The following TRPM3 variants were observed in gnomAD, a reference collection of about 807,000 sequenced individuals.
The protein encoded by TRPM3 is transient receptor potential cation channel subfamily M member 3, also known as long transient receptor potential channel 3.
In TRPM3, 77 loss-of-function variants were observed where a neutral mutation model predicts 181.2. The ratio of observed to expected loss-of-function variants is 0.42; its 90% CI spans 0.35 to 0.51. TRPM3 has a LOEUF of 0.51. Among genes scored for constraint, TRPM3 ranks in the 20% least tolerant of loss-of-function variants. The pLI is 0.01. For missense variants in TRPM3, 1,759 were observed against 2,196.7 expected, an observed-to-expected ratio of 0.80 and a Z score of 3.98; for synonymous variants, 745 against 796.4, an observed-to-expected ratio of 0.94 and a Z score of 1.09.
chr9:71,241,957 A>G (rs1376301646), intron 1 of TRPM3, among the ~76,000 whole-genome samples: 1 of 152,254 alleles, frequency 6.6e-6, no homozygotes, highest in Non-Finnish European at 1.5e-5. Flanking sequence ...TCCAGCAGCA[A>G]TGGTCATTGT....
chr9:70,662,180 C>A (rs1488450668), intron 9 of TRPM3, among the ~76,000 whole-genome samples: 3 of 152,068 alleles, frequency 2.0e-5, no homozygotes, highest in Non-Finnish European at 4.4e-5. Context: ...GAAAAGGACA[C>A]CCTATTCAAT....
chr9:71,213,421 T>C (rs1186871035), intron 1 of TRPM3, among the ~76,000 whole-genome samples: 1 of 152,254 alleles, frequency 6.6e-6, no homozygotes, highest in Non-Finnish European at 1.5e-5. Context: ...TTTAATTCTT[T>C]CCCTGGTTTA....
chr9:71,106,867 G>C (rs771713357), intron 1 of TRPM3, among the ~76,000 whole-genome samples: 2 of 152,094 alleles, frequency 1.3e-5, no homozygotes. Context: ...TTGCCAGGGG[G>C]TACAAAAAAG....
rs2040586607 is a variant in TRPM3, at chr9:70,529,567, CTCT to C, written c.*6383_*6385del. ...TAAGTCTTCATACCATGCTATGGTA[CTCT>C]TCTTCTGAATCTCTCTCACAAAGAC... On this transcript the variant is annotated 3_prime_UTR_variant, in exon 26 of 26. Coordinates refer to ENST00000677713, the MANE Select transcript of TRPM3 (RefSeq NM_001366145.2). The C allele has an allele frequency of 1.3e-5, 2 of 152,206 alleles. No individual in the cohort carries two copies. Among genetic ancestry groups the C allele is most frequent in the Non-Finnish European group, 2.9e-5 (2 of 68,044 alleles). 9.4% of individuals were successfully genotyped at this position (152,206 alleles called of 1,614,324 possible). A position where few individuals can be genotyped will look rare whatever the true frequency, so the allele number is the denominator to read the frequency against.
chr9:70,844,428 T>TA (rs869236085), intron 4 of TRPM3, among the ~76,000 whole-genome samples: 26 of 69,806 alleles, frequency 3.7e-4, no homozygotes, highest in African/African-American at 1.7e-3. Context: ...AGAGAACTGG[T>TA]AAAACAAACA....
intron 1 of TRPM3, chr9:71,446,616 A>G (rs746745789): frequency 1.3e-6 from 2 of 1,541,078 alleles, no homozygotes; most frequent in East Asian, 2.5e-5. Flanking sequence ...AAGGGAGAAA[A>G]GAAAGCAAAG....
At chr9:70,607,235 T>C (rs3812535) in intron 19 of TRPM3, among the ~76,000 whole-genome samples, 27,417 of 151,660 alleles carry the variant, frequency 0.18, 2,802 homozygotes, top group African/African-American at 0.28. Flanking sequence ...CTTGGGAGAG[T>C]AGGAGAGACC....
chr9:70,923,463 A>C (rs1042043366), intron 1 of TRPM3, among the ~76,000 whole-genome samples: 1 of 152,176 alleles, frequency 6.6e-6, no homozygotes, highest in Admixed American at 6.5e-5. Context: ...TTTTAATAAC[A>C]AATGAATTTA....
intron 1 of TRPM3, among the ~76,000 whole-genome samples, chr9:71,273,944 A>G (rs2083992575): frequency 1.3e-5 from 2 of 152,196 alleles, no homozygotes; most frequent in Admixed American, 1.3e-4. Context: ...ATCCCTGACT[A>G]TAATACAGGA....
At chr9:70,663,463 A>G (rs1344713361) in intron 9 of TRPM3, among the ~76,000 whole-genome samples, 1 of 152,116 alleles carries the variant, frequency 6.6e-6, no homozygotes, top group African/African-American at 2.4e-5. Context: ...GTCTCACCAT[A>G]CCCTCACTAT....
chr9:71,286,874 A>G (rs1324797697), intron 1 of TRPM3, among the ~76,000 whole-genome samples: 1 of 147,150 alleles, frequency 6.8e-6, no homozygotes, highest in Non-Finnish European at 1.5e-5. Context: ...CACATTGTTT[A>G]ATTCAAACCT....
At chr9:70,614,123 AATCTT>A (rs1180851401) in intron 18 of TRPM3, among the ~76,000 whole-genome samples, 3 of 152,092 alleles carry the variant, frequency 2.0e-5, no homozygotes, top group African/African-American at 7.2e-5. Context: ...CCTGGGTTCT[AATCTT>A]AGCTTTGCCA....
In TRPM3 at chr9:70,536,148, T is replaced by G; in HGVS notation, c.4965A>C (p.Pro1655=). Residue 1655 remains proline (P), a synonymous_variant, in exon 26 of 26, where the codon CCA becomes CCC. Transcript: ENST00000677713. ...ERANSYSAEE[P]SAPYAHTRKS... is the part of the protein sequence containing the mutation. ...TCCTGGTGTGTGCATATGGCGCACT[T>G]GGCTCCTCTGCCGAGTAGCTGTTGG... The G allele has an allele frequency of 6.2e-7, 1 of 1,614,244 alleles. No homozygotes were observed. Among genetic ancestry groups the G allele is most frequent in the Non-Finnish European group, 8.5e-7 (1 of 1,180,040 alleles).
chr9:71,182,265 A>G (rs72733810), intron 1 of TRPM3, among the ~76,000 whole-genome samples: 24,172 of 152,100 alleles, frequency 0.16, 2,398 homozygotes, highest in South Asian at 0.23. Flanking sequence ...ATGTGTGTGC[A>G]CATGACAAAT....
chr9:71,403,342 A>T (rs578121781), intron 1 of TRPM3, among the ~76,000 whole-genome samples: 2 of 152,328 alleles, frequency 1.3e-5, no homozygotes, highest in South Asian at 4.1e-4. Context: ...AAACTTTGCC[A>T]ACTCCTGTTC....
intron 1 of TRPM3, among the ~76,000 whole-genome samples, chr9:71,029,500 T>C (rs1374513766): frequency 6.6e-6 from 1 of 152,124 alleles, no homozygotes; most frequent in African/African-American, 2.4e-5. Context: ...AATTAAGATA[T>C]AAATATTTTT....
At chr9:70,613,041 C>T (rs149518614) in intron 18 of TRPM3, among the ~76,000 whole-genome samples, 8 of 152,300 alleles carry the variant, frequency 5.3e-5, no homozygotes, top group Non-Finnish European at 7.3e-5. Flanking sequence ...TTAACCAGCA[C>T]TGCATTCAAA....
chr9:71,405,675 G>A (rs11142816), intron 1 of TRPM3, among the ~76,000 whole-genome samples: 3,632 of 152,168 alleles, frequency 0.024, 93 homozygotes, highest in African/African-American at 0.06. Flanking sequence ...GTAATAAAAT[G>A]TCATTTTATG....
intron 1 of TRPM3, among the ~76,000 whole-genome samples, chr9:70,979,957 A>G (rs2097346945): frequency 6.6e-6 from 1 of 151,570 alleles, no homozygotes; most frequent in Non-Finnish European, 1.5e-5. Context: ...AGCCTTAATG[A>G]TCTCGTAAAG....
Sources: allele counts gnomAD v4.1 joint callset (sites outside exome capture counted in the v4.1 genomes callset), GRCh38; gene constraint gnomAD v4.1.1; transcripts MANE v1.5; gene names NCBI Gene and HGNC (gene_info 2026-07-23, HGNC 2026-07-21).